The following TMC7 variants were observed in gnomAD, a reference collection of about 807,000 sequenced individuals.
The protein encoded by TMC7 is transmembrane channel like 7.
A neutral mutation model predicts 82.9 loss-of-function variants in TMC7; 54 were observed. That is an observed-to-expected ratio of 0.65 (90% CI 0.52 to 0.82). The LOEUF is 0.82. TMC7 is among the 40% of genes least tolerant of loss of function. The pLI, the probability that TMC7 is intolerant of heterozygous loss-of-function variation, is 0.00. For missense variants in TMC7, 820 were observed against 901.2 expected (o/e 0.91, Z 1.15); for synonymous variants, 350 against 337.9 (o/e 1.04, Z -0.39).
chr16:19,034,629 A>AATAT (rs2142249441), intron 6 of TMC7, among the ~76,000 whole-genome samples: 1 of 151,868 alleles, frequency 6.6e-6, no homozygotes, highest in South Asian at 2.1e-4. Context: ...TAAATAAATA[A>AATAT]ATAAATAAAA....
At chr16:19,005,379 C>T (rs1414653206) in intron 1 of TMC7, among the ~76,000 whole-genome samples, 1 of 152,174 alleles carries the variant, frequency 6.6e-6, no homozygotes, top group East Asian at 1.9e-4. Flanking sequence ...TGAGCCACCA[C>T]GCCTGGCCCG....
chr16:19,044,793 A>G, intron 9 of TMC7, 91 bp from the exon 10 acceptor site: 3 of 587,170 alleles, frequency 5.1e-6, no homozygotes, highest in Non-Finnish European at 8.7e-6. Flanking sequence ...AAAAAAAAAA[A>G]GGCAGCTTCT....
intron 1 of TMC7, among the ~76,000 whole-genome samples, chr16:19,007,493 T>A (rs983820669): frequency 6.6e-6 from 1 of 152,152 alleles, no homozygotes; most frequent in Non-Finnish European, 1.5e-5. Context: ...TCACACACTC[T>A]TCTGCCGCTG....
chr16:18,990,460 A>G (rs2038930546), intron 1 of TMC7, among the ~76,000 whole-genome samples: 2 of 152,024 alleles, frequency 1.3e-5, no homozygotes, highest in African/African-American at 4.8e-5. Context: ...ATGCCCGGCT[A>G]ATTTTTGTAT....
intron 1 of TMC7, chr16:18,984,648 G>A: frequency 5.1e-6 from 2 of 393,382 alleles, no homozygotes; most frequent in Non-Finnish European, 6.9e-6. Flanking sequence ...ATGGGGCGGG[G>A]ATTAGCTGAG....
intron 1 of TMC7, among the ~76,000 whole-genome samples, chr16:18,991,368 A>T (rs1596713231): frequency 6.6e-6 from 1 of 152,186 alleles, no homozygotes; most frequent in African/African-American, 2.4e-5. Context: ...GGGGTTCAGC[A>T]TAGTTATTTG....
At chr16:19,041,629 C>T (rs1429348636) in intron 9 of TMC7, among the ~76,000 whole-genome samples, 1 of 152,126 alleles carries the variant, frequency 6.6e-6, no homozygotes, top group Non-Finnish European at 1.5e-5. Flanking sequence ...ACCTTAGCCT[C>T]CCAAAGTGCT....
intron 1 of TMC7, among the ~76,000 whole-genome samples, chr16:18,989,674 C>CGAGACGCACT (rs2038914381): frequency 6.6e-5 from 10 of 150,630 alleles, no homozygotes; most frequent in African/African-American, 2.4e-4. Context: ...AGCTTCTAGT[C>CGAGACGCACT]AAGCGAGACG....
chr16:19,049,085 G>A (rs780494944), intron 12 of TMC7, among the ~76,000 whole-genome samples: 5 of 152,036 alleles, frequency 3.3e-5, no homozygotes, highest in African/African-American at 4.8e-5. Context: ...GTGCCGTGGC[G>A]TGATCTCAGC....
At chr16:18,993,797 C>T (rs1054550066) in intron 1 of TMC7, among the ~76,000 whole-genome samples, 2 of 152,048 alleles carry the variant, frequency 1.3e-5, no homozygotes, top group East Asian at 1.9e-4. Flanking sequence ...TAAATATTGA[C>T]GTGTAGTCCC....
At chr16:18,994,941 G>A (rs531563843) in intron 1 of TMC7, among the ~76,000 whole-genome samples, 24 of 152,172 alleles carry the variant, frequency 1.6e-4, no homozygotes, top group South Asian at 6.2e-4. Flanking sequence ...TGCATGATCC[G>A]TTGCCAAGGC....
rs753247041 is a variant in TMC7, at chr16:19,045,369, T to C, written c.1484T>C (p.Met495Thr). ...TGGGAGACCCAAGTTGGGCAGGAAA[T>C]GTACAAGCTGATGATCTTCGACTTC... ...PCWETQVGQE[M>T]YKLMIFDFII... is the part of the protein sequence containing the mutation. The change falls in exon 11 of 16, where the codon ATG (methionine) becomes ACG (threonine). Residue 495 changes from methionine (M) to threonine (T), a missense_variant. This residue lies in a region of TMC7 where 650 missense variants were observed against 669.9 expected (regional missense o/e 0.97). Transcript: ENST00000304381. The C allele has an allele frequency of 1.9e-6, 3 of 1,613,916 alleles. No homozygotes were observed. Among genetic ancestry groups the C allele is most frequent in the Non-Finnish European group, 2.5e-6 (3 of 1,180,008 alleles).
chr16:18,988,156 CTTT>C (rs760359195), intron 1 of TMC7, among the ~76,000 whole-genome samples: 18 of 128,908 alleles, frequency 1.4e-4, no homozygotes, highest in Admixed American at 1.6e-4. Flanking sequence ...TTCTCTCTTT[CTTT>C]TTTTTTTTTT....
intron 3 of TMC7, among the ~76,000 whole-genome samples, chr16:19,019,935 G>A (rs542202210): frequency 5.5e-4 from 84 of 152,204 alleles, no homozygotes; most frequent in African/African-American, 1.9e-3. Flanking sequence ...TTATATCTTC[G>A]GTCTCCAGTA....
chr16:19,019,170 A>G (rs1375900592), intron 3 of TMC7, among the ~76,000 whole-genome samples: 1 of 152,232 alleles, frequency 6.6e-6, no homozygotes, highest in Non-Finnish European at 1.5e-5. Flanking sequence ...ATTTTACAGC[A>G]AAACATTTTT....
chr16:19,038,738 G>A lies in TMC7; in HGVS notation c.1179+691G>A, dbSNP rs191051780. Among the ~76,000 whole-genome samples the A allele has an allele frequency of 4.3e-3, 660 of 152,036 alleles. 2 individuals carry two copies. The highest frequency in any genetic ancestry group is 0.015 in the African/African-American group (635 of 41,472). ...TCACCATGTTGGCCAGGCTGGTCTC[G>A]AACTCCTGACCTCAAGAGATCCACC... On this transcript the variant is annotated intron_variant, in intron 8 of 15. Transcript: ENST00000304381.
chr16:19,063,270 C>G lies in TMC7; in HGVS notation c.*1427C>G, dbSNP rs1254881496. 1.3e-5 allele frequency: 2 copies of G among 152,132 alleles called. No homozygotes were observed. The highest frequency in any genetic ancestry group is 4.8e-5 in the African/African-American group (2 of 41,438). 9.4% of individuals were successfully genotyped at this position (152,132 alleles called of 1,614,324 possible). A position where few individuals can be genotyped will look rare whatever the true frequency, so the allele number is the denominator to read the frequency against. On this transcript the variant is annotated 3_prime_UTR_variant, in exon 16 of 16. Transcript: ENST00000304381. ...CCAGTCTCACTTAAAAAAATAAATT[C>G]TGCTGGGCACAGTGGCTCATGCCTG...
intron 1 of TMC7, among the ~76,000 whole-genome samples, chr16:18,986,652 A>G (rs1407958872): frequency 6.6e-6 from 1 of 152,140 alleles, no homozygotes; most frequent in African/African-American, 2.4e-5. Context: ...ATTCGACCCC[A>G]GCCCCTCTTT....
In TMC7 at chr16:19,037,878, A is replaced by ATCTTTCTTCT. The variant is rs755900053; in HGVS notation, c.1013_1014insTTCTTCTTCT (p.Glu339SerfsTer97). 2 of 1,613,172 alleles carry ATCTTTCTTCT rather than the reference A, an allele frequency of 1.2e-6. No homozygotes were observed. The highest frequency in any genetic ancestry group is 2.2e-5 in the South Asian group (2 of 90,724). On this transcript the variant is annotated frameshift_variant, in exon 8 of 16. Transcript: ENST00000304381. LOFTEE classifies it high-confidence loss of function. ...TGAATTTTCTTTTATCTTCAGGCAG[A>ATCTTTCTTCT]TCTGGAGGAAGAAAGAATGCGGCAG...
Sources: gnomAD v4.1 joint callset for allele counts (sites outside exome capture counted in the v4.1 genomes callset) on GRCh38, gnomAD v4.1.1 for gene constraint, gnomAD v4.1.1 regional missense constraint, MANE v1.5 for transcripts, NCBI Gene and HGNC (gene_info 2026-07-23, HGNC 2026-07-21) for gene names.